CACNA2D3: variants seen among roughly 807,000 people sequenced by gnomAD.
CACNA2D3 encodes voltage-dependent calcium channel subunit alpha-2/delta-3.
CACNA2D3 carries 60 observed loss-of-function variants against 160.6 expected under a neutral mutation model. That is an observed-to-expected ratio of 0.37 (90% CI 0.30 to 0.46). CACNA2D3 has a LOEUF of 0.46. CACNA2D3 is among the 20% of genes least tolerant of loss of function. The pLI, the probability that CACNA2D3 is intolerant of heterozygous loss-of-function variation, is 1.00. For missense variants in CACNA2D3, 1,205 were observed against 1,365.0 expected, an observed-to-expected ratio of 0.88 and a Z score of 1.85; for synonymous variants, 558 against 492.9, an observed-to-expected ratio of 1.13 and a Z score of -1.75.
At chr3:54,933,900 C>G (rs965938305) in intron 27 of CACNA2D3, among the ~76,000 whole-genome samples, 1 of 151,956 alleles carries the variant, frequency 6.6e-6, no homozygotes, top group Admixed American at 6.6e-5. Flanking sequence ...TCCGGAGTAG[C>G]TGGGATTACA....
intron 9 of CACNA2D3, among the ~76,000 whole-genome samples, chr3:54,603,630 G>A (rs1703105874): frequency 6.6e-6 from 1 of 152,214 alleles, no homozygotes; most frequent in South Asian, 2.1e-4. Context: ...ATTTCAAAAT[G>A]TGGAATACTT....
chr3:54,253,336 G>C (rs973393818), intron 2 of CACNA2D3, among the ~76,000 whole-genome samples: 6 of 152,138 alleles, frequency 3.9e-5, no homozygotes, highest in Non-Finnish European at 5.9e-5. Context: ...AGGAAGCACA[G>C]CGGATTCTGC....
intron 11 of CACNA2D3, among the ~76,000 whole-genome samples, chr3:54,696,353 C>T (rs904648361): frequency 6.6e-6 from 1 of 152,124 alleles, no homozygotes; most frequent in African/African-American, 2.4e-5. Context: ...AGTCTGCTTC[C>T]TACTACACTG....
intron 19 of CACNA2D3, 125 bp downstream of exon 19, chr3:54,879,214 T>C: frequency 1.2e-6 from 1 of 867,602 alleles, no homozygotes; most frequent in Admixed American, 2.8e-5. Flanking sequence ...TCTTTACTTA[T>C]CTCAAACAAG....
intron 11 of CACNA2D3, among the ~76,000 whole-genome samples, chr3:54,738,625 C>T (rs960532076): frequency 6.6e-6 from 1 of 152,156 alleles, no homozygotes; most frequent in Admixed American, 6.5e-5. Context: ...TTTGCATTTC[C>T]CTGATTTGTT....
At chr3:54,127,549 G>T (rs13088442) in intron 2 of CACNA2D3, among the ~76,000 whole-genome samples, 1,963 of 152,326 alleles carry the variant, frequency 0.013, 36 homozygotes, top group African/African-American at 0.045. Flanking sequence ...GCACTCTTCA[G>T]ATTGCTCTTG....
intron 11 of CACNA2D3, among the ~76,000 whole-genome samples, chr3:54,741,532 C>G (rs911580913): frequency 2.7e-5 from 4 of 150,770 alleles, no homozygotes; most frequent in African/African-American, 7.3e-5. Context: ...AGCTTGAGCT[C>G]AAGAGTTCAA....
At chr3:54,150,113 G>A (rs1299870226) in intron 2 of CACNA2D3, among the ~76,000 whole-genome samples, 1 of 151,342 alleles carries the variant, frequency 6.6e-6, no homozygotes, top group Admixed American at 6.6e-5. Context: ...TCAGTTTTGG[G>A]GATTTGCTTC....
chr3:54,579,888 A>G (rs1457215513), intron 8 of CACNA2D3, among the ~76,000 whole-genome samples: 1 of 152,218 alleles, frequency 6.6e-6, no homozygotes, highest in African/African-American at 2.4e-5. Flanking sequence ...GTTAGAAGAT[A>G]TTTAAGCCCT....
chr3:54,172,198 C>T (rs1386476177), intron 2 of CACNA2D3, among the ~76,000 whole-genome samples: 6 of 152,188 alleles, frequency 3.9e-5, no homozygotes, highest in Admixed American at 6.5e-5. Flanking sequence ...GTTTACTCTC[C>T]GTGGGCTGCC....
Position 54,361,186 on chromosome 3 carries a change from A to G in CACNA2D3, c.322-25529A>G, listed in dbSNP as rs568365052. ...TTGTTTTTATGGAAGGTTAAGTACCAAGCAAAGAATTCCACAGCATACCAG... is the reference window on the plus strand; with the variant it reads ...TTGTTTTTATGGAAGGTTAAGTACCGAGCAAAGAATTCCACAGCATACCAG... On this transcript the variant is annotated intron_variant, in intron 3 of 37. Coordinates refer to ENST00000474759, the MANE Select transcript of CACNA2D3 (RefSeq NM_018398.3). Among the ~76,000 whole-genome samples, 4 of 151,636 alleles carry G rather than the reference A, an allele frequency of 2.6e-5. No homozygotes were observed. In the South Asian group the frequency reaches 6.3e-4, roughly 24 times the overall value.
At chr3:54,383,096 C>G (rs751784969) in intron 3 of CACNA2D3, among the ~76,000 whole-genome samples, 4 of 152,166 alleles carry the variant, frequency 2.6e-5, no homozygotes, top group South Asian at 2.1e-4. Context: ...GATCCGCCCC[C>G]CTTGGCCTCC....
intron 35 of CACNA2D3, among the ~76,000 whole-genome samples, chr3:55,024,577 T>C (rs1405927528): frequency 6.6e-6 from 1 of 152,158 alleles, no homozygotes; most frequent in African/African-American, 2.4e-5. Flanking sequence ...AAAGGTGTTA[T>C]CATTGAGGCA....
intron 17 of CACNA2D3, among the ~76,000 whole-genome samples, chr3:54,854,927 T>A (rs1015841573): frequency 7.2e-5 from 11 of 152,128 alleles, no homozygotes; most frequent in African/African-American, 2.4e-4. Flanking sequence ...TTCTTCTGGG[T>A]CCCTCTTGCC....
intron 5 of CACNA2D3, among the ~76,000 whole-genome samples, chr3:54,517,669 C>T (rs1701575052): frequency 6.6e-6 from 1 of 152,204 alleles, no homozygotes; most frequent in South Asian, 2.1e-4. Context: ...GTCTTCTCTT[C>T]ATGCCCAACA....
intron 5 of CACNA2D3, among the ~76,000 whole-genome samples, chr3:54,527,970 C>CT (rs879741035): frequency 1.2e-4 from 19 of 152,190 alleles, no homozygotes; most frequent in South Asian, 4.2e-4. Flanking sequence ...GTTTTTTCTT[C>CT]TTTTTTTAAT....
chr3:54,139,747 C>T (rs960846956), intron 2 of CACNA2D3, among the ~76,000 whole-genome samples: 1 of 152,150 alleles, frequency 6.6e-6, no homozygotes, highest in African/African-American at 2.4e-5. Context: ...TTGCTTTAAA[C>T]TGCCAAATAA....
chr3:54,298,944 T>TAA lies in CACNA2D3; in HGVS notation c.205-21470_205-21469dup, dbSNP rs59100168. The stretch of plus-strand genomic sequence containing the variant: ...AGCAACAGAGCAAGACTCTGTTTCT[T>TAA]AAAAAAAAAAAAAAAAAAAAAAAAA... On this transcript the variant is annotated intron_variant, in intron 2 of 37. Transcript: ENST00000474759. 5.8e-4 allele frequency among the ~76,000 whole-genome samples: 58 copies of TAA among 99,256 alleles called. 1 individual carries two copies. The highest frequency in any genetic ancestry group is 3.8e-3 in the East Asian group (13 of 3,426). 65.1% of individuals were successfully genotyped at this position (99,256 alleles called of 152,430 possible).
At chr3:54,918,777 C>T (rs1559628903) in intron 27 of CACNA2D3, 3 of 1,614,128 alleles carry the variant, frequency 1.9e-6, no homozygotes, top group East Asian at 2.2e-5. Flanking sequence ...CCTGCGAGGA[C>T]ACTGGATCAG....
Sources: allele counts gnomAD v4.1 joint callset (sites outside exome capture counted in the v4.1 genomes callset), GRCh38; gene constraint gnomAD v4.1.1; transcripts MANE v1.5; gene names NCBI Gene and HGNC (gene_info 2026-07-23, HGNC 2026-07-21).